Variants in MYO1D observed in about 807,000 individuals in gnomAD.
MYO1D encodes unconventional myosin-Id.
Under a neutral mutation model 122.0 loss-of-function variants are expected in MYO1D, and 83 were observed. The observed-to-expected ratio is 0.68, with a 90% CI of 0.57 to 0.82. The LOEUF is 0.82. Ranked by LOEUF, MYO1D falls within the 40% of genes least tolerant of loss-of-function variation. The probability of loss-of-function intolerance (pLI) is 0.00; values close to 1 mark genes in which losing one functional copy is unlikely to be tolerated. For missense variants in MYO1D, 1,157 were observed against 1,269.5 expected (o/e 0.91, Z 1.35); for synonymous variants, 464 against 446.9 (o/e 1.04, Z -0.48).
At chr17:32,813,967 A>C (rs1252050800) in intron 1 of MYO1D, among the ~76,000 whole-genome samples, 1 of 152,218 alleles carries the variant, frequency 6.6e-6, no homozygotes, top group Non-Finnish European at 1.5e-5. Flanking sequence ...GTTTAATACA[A>C]ACTAGCTTTC....
chr17:32,779,873 T>C (rs2090217246), intron 2 of MYO1D, among the ~76,000 whole-genome samples: 1 of 152,182 alleles, frequency 6.6e-6, no homozygotes, highest in African/African-American at 2.4e-5. Flanking sequence ...ATTATAAAAG[T>C]GTTTCTAAAA....
At chr17:32,595,490 G>A (rs1424673812) in intron 21 of MYO1D, among the ~76,000 whole-genome samples, 11 of 152,032 alleles carry the variant, frequency 7.2e-5, no homozygotes, top group African/African-American at 2.7e-4. Flanking sequence ...AAAAGGAAAA[G>A]AGGTATTCAT....
intron 19 of MYO1D, among the ~76,000 whole-genome samples, chr17:32,652,894 C>A (rs1433468728): frequency 6.6e-6 from 1 of 152,222 alleles, no homozygotes; most frequent in African/African-American, 2.4e-5. Context: ...GTAATCCCAG[C>A]ACTCTGGGAG....
intron 13 of MYO1D, among the ~76,000 whole-genome samples, chr17:32,743,035 T>C (rs9910132): frequency 0.038 from 5,853 of 152,252 alleles, 372 homozygotes; most frequent in African/African-American, 0.13. Flanking sequence ...GTATCGTTTT[T>C]TTCTTCTTTA....
chr17:32,688,269 T>TA (rs1428314385), intron 16 of MYO1D, among the ~76,000 whole-genome samples: 2 of 152,154 alleles, frequency 1.3e-5, no homozygotes, highest in Non-Finnish European at 2.9e-5. Context: ...AAAACCTTAG[T>TA]AAAAAATTAC....
intron 16 of MYO1D, among the ~76,000 whole-genome samples, chr17:32,665,790 A>G (rs2150957592): frequency 6.6e-6 from 1 of 152,282 alleles, no homozygotes; most frequent in Non-Finnish European, 1.5e-5. Context: ...TAAGTGCTTC[A>G]TGGATGGGGA....
intron 13 of MYO1D, among the ~76,000 whole-genome samples, chr17:32,741,829 C>T (rs894231829): frequency 3.9e-5 from 6 of 151,908 alleles, no homozygotes; most frequent in South Asian, 4.2e-4. Context: ...CTGGCTAACA[C>T]AGTGAAACCC....
At chr17:32,534,246 A>G (rs900702389) in intron 21 of MYO1D, among the ~76,000 whole-genome samples, 2 of 152,190 alleles carry the variant, frequency 1.3e-5, no homozygotes, top group African/African-American at 4.8e-5. Flanking sequence ...AGCTCACTGC[A>G]GCATTGAATT....
rs1007494808 is a variant in MYO1D, at chr17:32,755,530, T to C, written c.1429A>G (p.Ser477Gly). ...AAATGGGCGTGTTTGCCCAATTTACTGTTAAGTGCTTCAAGAAACATTTCA... is the reference window on the plus strand; with the variant it reads ...AAATGGGCGTGTTTGCCCAATTTACCGTTAAGTGCTTCAAGAAACATTTCA... ...TDEMFLEALN[S>G]KLGKHAHFSS... The change falls in exon 11 of 22, where the codon AGT (serine) becomes GGT (glycine). Residue 477 changes from serine to glycine, a missense_variant. Transcript: ENST00000318217. 2 of 1,613,880 alleles carry C rather than the reference T, an allele frequency of 1.2e-6. No individual in the cohort carries two copies. Among genetic ancestry groups the C allele is most frequent in the Non-Finnish European group, 1.7e-6 (2 of 1,179,864 alleles).
At chr17:32,821,425 T>C (rs1169126272) in intron 1 of MYO1D, among the ~76,000 whole-genome samples, 1 of 152,120 alleles carries the variant, frequency 6.6e-6, no homozygotes, top group Non-Finnish European at 1.5e-5. Flanking sequence ...TAAAATTTAA[T>C]TTAGTTTTAG....
chr17:32,773,705 T>C (rs1043389410), intron 4 of MYO1D, among the ~76,000 whole-genome samples: 15 of 152,070 alleles, frequency 9.9e-5, no homozygotes, highest in African/African-American at 1.4e-4. Context: ...CACCTTATTT[T>C]CTTCTGCAAT....
At chr17:32,572,226 T>C (rs1441489026) in intron 21 of MYO1D, among the ~76,000 whole-genome samples, 1 of 151,094 alleles carries the variant, frequency 6.6e-6, no homozygotes, top group Non-Finnish European at 1.5e-5. Flanking sequence ...CCAGCACTTT[T>C]ACTCCCCCTC....
chr17:32,778,434 A>G, intron 3 of MYO1D, 46 bp downstream of exon 3: 2 of 1,569,750 alleles, frequency 1.3e-6, no homozygotes, highest in East Asian at 2.2e-5. Context: ...GTCCATAGAG[A>G]AAACAGAGTG....
intron 19 of MYO1D, among the ~76,000 whole-genome samples, chr17:32,643,205 G>T (rs1168467163): frequency 8.6e-6 from 1 of 116,270 alleles, no homozygotes; most frequent in African/African-American, 2.6e-5. Flanking sequence ...CTTTGGTTCT[G>T]TTTATATGCT....
intron 13 of MYO1D, among the ~76,000 whole-genome samples, chr17:32,741,225 A>T (rs1170265721): frequency 1.7e-5 from 2 of 117,402 alleles, no homozygotes; most frequent in African/African-American, 3.7e-5. Context: ...TACCACTTCT[A>T]AAAAAAAAAA....
At chr17:32,572,649 CG>C (rs1344445932) in intron 21 of MYO1D, among the ~76,000 whole-genome samples, 1 of 152,116 alleles carries the variant, frequency 6.6e-6, no homozygotes, top group Non-Finnish European at 1.5e-5. Flanking sequence ...TCATTATCCA[CG>C]AGGCCTTCAA....
chr17:32,745,496 T>TA (rs537173295), intron 12 of MYO1D: 3 of 420,872 alleles, frequency 7.1e-6, no homozygotes, highest in African/African-American at 6.2e-5. Flanking sequence ...ATTAAGATGA[T>TA]AATTCCCTAC....
rs748259705 is a variant in MYO1D at position 32,653,890 on chromosome 17, G to A, written c.2548C>T (p.Arg850Trp). ...AGGACATTCATGTATTTGTCCTTCC[G>A]TTTCAATTCATTAGCAACAGGGACA... The part of the protein sequence containing the change: ...TFVPVANELK[R>W]KDKYMNVLFS... The change falls in exon 19 of 22, where the codon CGG becomes TGG. Residue 850 changes from arginine to tryptophan, a missense_variant. Coordinates refer to ENST00000318217, the MANE Select transcript of MYO1D (RefSeq NM_015194.3). The A allele has an allele frequency of 1.5e-5, 24 of 1,613,802 alleles. No homozygotes were observed. The South Asian group carries it at 2.2e-4, about 15-fold the overall frequency.
At chr17:32,820,576 G>T (rs1365356977) in intron 1 of MYO1D, among the ~76,000 whole-genome samples, 1 of 152,064 alleles carries the variant, frequency 6.6e-6, no homozygotes, top group Non-Finnish European at 1.5e-5. Context: ...CTAAAAAGTT[G>T]AACTCAAGGA....
Sources: allele counts gnomAD v4.1 joint callset (sites outside exome capture counted in the v4.1 genomes callset), GRCh38; gene constraint gnomAD v4.1.1; transcripts MANE v1.5; gene names NCBI Gene and HGNC (gene_info 2026-07-23, HGNC 2026-07-21).